The following DNAH1 variants were observed in gnomAD, a reference collection of about 807,000 sequenced individuals.
DNAH1 encodes axonemal beta dynein heavy chain 1.
Under a neutral mutation model 484.3 loss-of-function variants are expected in DNAH1, and 327 were observed. That is an observed-to-expected ratio of 0.68 (90% CI 0.62 to 0.74). The LOEUF is 0.74. DNAH1 is among the 30% of genes least tolerant of loss of function. The pLI is 0.00. For synonymous variants in DNAH1, 2,192 were observed against 2,191.9 expected (o/e 1.00, Z 0.00); for missense variants, 5,052 against 5,546.8 (o/e 0.91, Z 2.83).
At chr3:52,311,296 G>A in the DNAH1 span, among the ~76,000 whole-genome samples, 5 of 152,220 alleles carry the variant, frequency 3.3e-5, no homozygotes, top group African/African-American at 4.8e-5. Context: ...GGGTGTGACC[G>A]GGACCGGGGC....
At chr3:52,363,555 G>A (rs1340771664) in intron 32 of DNAH1, among the ~76,000 whole-genome samples, 1 of 152,226 alleles carries the variant, frequency 6.6e-6, no homozygotes, top group Non-Finnish European at 1.5e-5. Context: ...CTTCCACTCA[G>A]CTTGCTGAGC....
At position 52,392,450 on chromosome 3, in the gene DNAH1, C is replaced by G. The variant is rs1356538924; in HGVS notation, c.10053-14C>G. 2.5e-6 allele frequency: 4 copies of G among 1,612,374 alleles called. No homozygotes were observed. The highest frequency in any genetic ancestry group is 2.2e-5 in the East Asian group (1 of 44,884). ...ACCAGGTATTACAGACTTGGTGTCC[C>G]CTGCCCCCGGCAGTGGCCTAGAGGA... On this transcript the variant is annotated splice_polypyrimidine_tract_variant and intron_variant, in intron 63 of 77. Coordinates refer to ENST00000420323, the MANE Select transcript of DNAH1 (RefSeq NM_015512.5).
At chr3:52,328,096 C>T in intron 6 of DNAH1, 82 bp downstream of exon 6, 2 of 1,559,024 alleles carry the variant, frequency 1.3e-6, no homozygotes, top group Non-Finnish European at 1.7e-6. Context: ...CCCCTGGGAC[C>T]TGGCAGCCAC....
In DNAH1 at chr3:52,362,396, C is replaced by T; in HGVS notation, c.4989C>T (p.Arg1663=). ...GCCTCTCCCCACTGCAGGTGGAACG[C>T]TTCATGTTTGAGGGTGTGGAGATCC... ...IQKAQQQRVE[R]FMFEGVEIPL... The change falls in exon 31 of 78, where the codon CGC becomes CGT. Residue 1663 remains arginine, a synonymous_variant. Transcript: ENST00000420323. The surrounding 1 kb of genome is among the most constrained non-coding windows in gnomAD (Gnocchi z 5.1). The T allele has an allele frequency of 6.2e-7, 1 of 1,613,698 alleles. No individual in the cohort carries two copies. Among genetic ancestry groups the T allele is most frequent in the East Asian group, 2.2e-5 (1 of 44,886 alleles).
intron 28 of DNAH1, among the ~76,000 whole-genome samples, chr3:52,360,688 G>T (rs940549987): frequency 5.9e-5 from 9 of 152,216 alleles, no homozygotes; most frequent in African/African-American, 2.2e-4. Flanking sequence ...GCTGATACAT[G>T]TAGAGCTCTC....
chr3:52,323,817 C>T lies in DNAH1; in HGVS notation c.343C>T (p.Arg115Cys), dbSNP rs1218926556. The T allele has an allele frequency of 1.0e-5, 16 of 1,590,400 alleles. No individual in the cohort carries two copies. The highest frequency in any genetic ancestry group is 5.3e-5 in the Admixed American group (3 of 56,642). The stretch of plus-strand genomic sequence containing the variant: ...CATGGTTTGGTTTCAGGAGGTATGT[C>T]GTGGCCCCCGAATGAGCCAGAACCT... ...GTLDQLGEVCRGPRMSQNLLR... is the reference protein window; with the variant it reads ...GTLDQLGEVCCGPRMSQNLLR... The change falls in exon 3 of 78, where the codon CGT (arginine) becomes TGT (cysteine). Residue 115 changes from arginine to cysteine, a missense_variant. Coordinates refer to ENST00000420323, the MANE Select transcript of DNAH1 (RefSeq NM_015512.5).
Position 52,385,452 on chromosome 3 carries a change from G to A in DNAH1, c.8625+5G>A. The A allele has an allele frequency of 6.4e-7, 1 of 1,551,076 alleles. No homozygotes were observed. The highest frequency in any genetic ancestry group is 8.7e-7 in the Non-Finnish European group (1 of 1,146,610). On this transcript the variant is annotated splice_donor_5th_base_variant and intron_variant, in intron 54 of 77. Coordinates refer to ENST00000420323, the MANE Select transcript of DNAH1 (RefSeq NM_015512.5). ...CTCACCATGGAGCAGATCAAGGTTG[G>A]GGTGCTCCCGAGCCCCTCCCCAATG...
Position 52,361,202 on chromosome 3 carries a change from T to C in DNAH1, c.4724T>C (p.Phe1575Ser), listed in dbSNP as rs752147404. 1.5e-5 allele frequency: 24 copies of C among 1,612,014 alleles called. No homozygotes were observed. Among genetic ancestry groups the C allele is most frequent in the Non-Finnish European group, 7.6e-6 (9 of 1,179,316 alleles). ...CTGACCGGAGCTCTGCACCTCAAGT[T>C]TGGGGGTGCCCCAGCTGGCCCAGCT... is the stretch of plus-strand genomic sequence containing the variant. The part of the protein sequence containing the change: ...LTLTGALHLK[F>S]GGAPAGPAGT... Residue 1575 changes from phenylalanine (F) to serine (S), a missense_variant, in exon 29 of 78, where the codon TTT (phenylalanine) becomes TCT (serine). Phe to Ser is a radical substitution (Grantham distance 155). This residue lies in a region of DNAH1 where 2,929 missense variants were observed against 3,409.4 expected (regional missense o/e 0.86). Coordinates refer to ENST00000420323, the MANE Select transcript of DNAH1 (RefSeq NM_015512.5). This position sits in a 1 kb window ranked among gnomAD's most constrained non-coding sequence, Gnocchi z 5.6.
At chr3:52,398,762 T>C (rs983535510) in intron 75 of DNAH1, 88 bp from the exon 76 acceptor site, 2 of 1,208,684 alleles carry the variant, frequency 1.7e-6, no homozygotes, top group African/African-American at 3.1e-5. Context: ...TTGCCATTGT[T>C]TTTCACTCTG....
At position 52,398,903 on chromosome 3, in the gene DNAH1, C is replaced by A. The variant is rs777526541; in HGVS notation, c.12143C>A (p.Ala4048Glu). 1 of 1,603,204 alleles carries A rather than the reference C, an allele frequency of 6.2e-7. No homozygotes were observed. Among genetic ancestry groups the A allele is most frequent in the Non-Finnish European group, 8.5e-7 (1 of 1,173,416 alleles). The change falls in exon 76 of 78, where the codon GCA becomes GAA. Residue 4048 changes from alanine to glutamate, a missense_variant. Ala to Glu is a moderately radical substitution (Grantham distance 107). This residue lies in a region of DNAH1 where 853 missense variants were observed against 899.0 expected (regional missense o/e 0.95). Coordinates refer to ENST00000420323, the MANE Select transcript of DNAH1 (RefSeq NM_015512.5). Reference sequence around the variant, plus strand: ...CAGACACTGCAAGACCTACTCAAGGCACTCAAGGGGCTGGTAGTGATGTCC... The same window carrying A: ...CAGACACTGCAAGACCTACTCAAGGAACTCAAGGGGCTGGTAGTGATGTCC... ...ITQTLQDLLKALKGLVVMSSQ... is the reference protein window; with the variant it reads ...ITQTLQDLLKELKGLVVMSSQ...
rs1314135816 is a variant in DNAH1, at chr3:52,368,424, C to G, written c.5766-317C>G. Among the ~76,000 whole-genome samples, 2 of 152,120 alleles carry G rather than the reference C, an allele frequency of 1.3e-5. No individual in the cohort carries two copies. Among genetic ancestry groups the G allele is most frequent in the African/African-American group, 4.8e-5 (2 of 41,410 alleles). ...CTGCTTTCTCTGCCCTGTCATTTACCCTCCTCCATCCTTGTCCATTGTCTT... is the reference window on the plus strand; with the variant it reads ...CTGCTTTCTCTGCCCTGTCATTTACGCTCCTCCATCCTTGTCCATTGTCTT... On this transcript the variant is annotated intron_variant, in intron 36 of 77. Transcript: ENST00000420323. This position sits in a 1 kb window ranked among gnomAD's most constrained non-coding sequence, Gnocchi z 4.4.
chr3:52,326,354 G>T, intron 4 of DNAH1, 40 bp downstream of exon 4: 1 of 1,579,184 alleles, frequency 6.3e-7, no homozygotes. Context: ...TCGGGGAGGT[G>T]GCATCCACCC....
rs376202473 is a variant in DNAH1 at position 52,386,144 on chromosome 3, T to C, written c.8626-16T>C. 1.2e-6 allele frequency: 2 copies of C among 1,606,044 alleles called. No homozygotes were observed. The highest frequency in any genetic ancestry group is 1.7e-6 in the Non-Finnish European group (2 of 1,174,912). Reference sequence around the variant, plus strand: ...GAGAAAAGGGGGGAGGACATCCCTATGTCTCCCATCCCCAGGTGGATACGG... The same window carrying C: ...GAGAAAAGGGGGGAGGACATCCCTACGTCTCCCATCCCCAGGTGGATACGG... On this transcript the variant is annotated splice_polypyrimidine_tract_variant and intron_variant, in intron 54 of 77. Transcript: ENST00000420323.
intron 11 of DNAH1, 45 bp from the exon 12 acceptor site, chr3:52,347,778 AG>A (rs1226887501): frequency 2.7e-6 from 4 of 1,504,446 alleles, no homozygotes; most frequent in Non-Finnish European, 3.6e-6. Context: ...TCCTGCACAC[AG>A]GCCTCCTAGG....
chr3:52,389,985 A>G (rs9861879), intron 60 of DNAH1, among the ~76,000 whole-genome samples: 41,734 of 152,076 alleles, frequency 0.27, 8,365 homozygotes, highest in African/African-American at 0.57. Context: ...AGGGGCACAC[A>G]CCTGTAAGCC....
rs1000994816 is a variant in DNAH1 at position 52,344,620 on chromosome 3, A to G, written c.1417A>G (p.Lys473Glu). Residue 473 changes from lysine (K) to glutamate (E), a missense_variant, in exon 9 of 78, where the codon AAG (lysine) becomes GAG (glutamate). This residue lies in a region of DNAH1 where 1,263 missense variants were observed against 1,218.8 expected (regional missense o/e 1.04). Transcript: ENST00000420323. ...CTTCTCCTACGTCACCCTCCCCAAG[A>G]AGGAGGAGGAGCAGGTGCCTGAGCG... is the stretch of plus-strand genomic sequence containing the variant. The part of the protein sequence containing the change: ...ETFSYVTLPK[K>E]EEEQVPERGL... 5.6e-6 allele frequency: 9 copies of G among 1,613,670 alleles called. No individual in the cohort carries two copies. Among genetic ancestry groups the G allele is most frequent in the African/African-American group, 1.3e-5 (1 of 74,932 alleles).
intron 34 of DNAH1, among the ~76,000 whole-genome samples, chr3:52,366,179 C>G (rs1011558576): frequency 5.9e-5 from 9 of 152,184 alleles, no homozygotes; most frequent in Non-Finnish European, 1.2e-4. Context: ...ACTGAGCAAG[C>G]TGGTGATGGC....
At chr3:52,319,696 C>T (rs750750802) in intron 1 of DNAH1, among the ~76,000 whole-genome samples, 2 of 152,190 alleles carry the variant, frequency 1.3e-5, no homozygotes, top group Non-Finnish European at 2.9e-5. Context: ...CATGAGGCCG[C>T]GGCAGGAGGC....
At chr3:52,325,655 G>C (rs1701309833) in intron 3 of DNAH1, among the ~76,000 whole-genome samples, 1 of 152,196 alleles carries the variant, frequency 6.6e-6, no homozygotes, top group African/African-American at 2.4e-5. Context: ...TGAGGGTCCT[G>C]CAGGGCTGGA....
Sources: gnomAD v4.1 joint callset for allele counts (sites outside exome capture counted in the v4.1 genomes callset) on GRCh38, gnomAD v4.1.1 for gene constraint, gnomAD v4.1.1 regional missense constraint, Gnocchi (gnomAD v3.1) non-coding constraint, MANE v1.5 for transcripts, NCBI Gene and HGNC (gene_info 2026-07-23, HGNC 2026-07-21) for gene names.